The following AHI1 variants were observed in gnomAD, a reference collection of about 807,000 sequenced individuals.
AHI1 encodes Abelson helper integration site 1.
In AHI1, 123 loss-of-function variants were observed where a neutral mutation model predicts 149.3. That is an observed-to-expected ratio of 0.82 (90% confidence interval 0.71 to 0.96). The LOEUF is 0.96. Ranked by LOEUF, AHI1 falls within the 40% of genes least tolerant of loss-of-function variation. The probability of loss-of-function intolerance (pLI) is 0.00; values close to 1 mark genes in which losing one functional copy is unlikely to be tolerated. For missense variants in AHI1, 1,439 were observed against 1,422.7 expected (o/e 1.01, Z -0.18); for synonymous variants, 475 against 459.8 (o/e 1.03, Z -0.42).
rs2128056642 is a variant in AHI1, at chr6:135,447,156, T to C, written c.1631A>G (p.Lys544Arg). ...VRGLKVPDCI[K>R]PSYRSMMALQ... ...AGCCATCATAGAGCGGTAAGATGGC[T>C]TTATCTAAATATGCATTAAAATATG... is the stretch of plus-strand genomic sequence containing the variant. Residue 544 changes from lysine (K) to arginine (R), a missense_variant, in exon 13 of 29, where the codon AAG (lysine) becomes AGG (arginine). By Grantham distance (26) the Lys-to-Arg change is conservative (BLOSUM62 2). Coordinates refer to ENST00000265602, the MANE Select transcript of AHI1 (RefSeq NM_001134831.2). The C allele has an allele frequency of 6.5e-7, 1 of 1,550,166 alleles. No homozygotes were observed. Among genetic ancestry groups the C allele is most frequent in the South Asian group, 1.3e-5 (1 of 75,304 alleles).
chr6:135,370,347 A>G (rs1016551626), intron 23 of AHI1, among the ~76,000 whole-genome samples: 2 of 151,900 alleles, frequency 1.3e-5, no homozygotes, highest in African/African-American at 4.8e-5. Context: ...GATTATGGGA[A>G]CTCTCTCTGC....
intron 28 of AHI1, 30 bp downstream of exon 28, chr6:135,290,393 A>C (rs770957959): frequency 2.1e-5 from 26 of 1,234,202 alleles, no homozygotes; most frequent in Non-Finnish European, 2.6e-5. Context: ...TTGACAACAT[A>C]GCGCAACTTT....
intron 23 of AHI1, among the ~76,000 whole-genome samples, chr6:135,391,695 C>T (rs1778519673): frequency 6.6e-6 from 1 of 152,108 alleles, no homozygotes; most frequent in African/African-American, 2.4e-5. Context: ...CCCAGCCATA[C>T]CAAGCTCTCT....
At chr6:135,367,065 T>C (rs1019272041) in intron 23 of AHI1, among the ~76,000 whole-genome samples, 8 of 152,206 alleles carry the variant, frequency 5.3e-5, no homozygotes, top group African/African-American at 1.9e-4. Flanking sequence ...TTTATTTAAC[T>C]TCCATGTATT....
In AHI1 at chr6:135,323,161, C is replaced by T. The variant is rs1787133440; in HGVS notation, c.3328+1G>A. 1 of 1,604,490 alleles carries T rather than the reference C, an allele frequency of 6.2e-7. No homozygotes were observed. The highest frequency in any genetic ancestry group is 1.3e-5 in the African/African-American group (1 of 74,798). ...AACCAGGAAGGGAGCATAAAACTTA[C>T]TTTCACTAGCCACATGATTAGCTGG... On this transcript the variant is annotated splice_donor_variant, in intron 25 of 28. Coordinates refer to ENST00000265602, the MANE Select transcript of AHI1 (RefSeq NM_001134831.2). LOFTEE classifies it high-confidence loss of function.
chr6:135,441,189 C>T (rs1038055540), intron 14 of AHI1, among the ~76,000 whole-genome samples: 3 of 150,800 alleles, frequency 2.0e-5, no homozygotes, highest in African/African-American at 7.3e-5. Flanking sequence ...AGTACAATAA[C>T]TGAAATAAAT....
chr6:135,445,853 G>A (rs1023107933), intron 13 of AHI1, among the ~76,000 whole-genome samples: 6 of 152,014 alleles, frequency 3.9e-5, no homozygotes, highest in Admixed American at 2.0e-4. Context: ...TCAGGAGATC[G>A]AGACCATCCT....
intron 22 of AHI1, among the ~76,000 whole-genome samples, chr6:135,397,878 T>G (rs1779448648): frequency 6.6e-6 from 1 of 152,106 alleles, no homozygotes; most frequent in African/African-American, 2.4e-5. Context: ...CTCAAGTTGG[T>G]TTTAAATTAT....
chr6:135,465,737 C>G (rs1790638175), intron 7 of AHI1, 77 bp downstream of exon 7: 1 of 1,231,650 alleles, frequency 8.1e-7, no homozygotes. Context: ...CTTTGTTAAA[C>G]CACAGATAAT....
At chr6:135,414,785 T>A (rs78523993) in intron 20 of AHI1, among the ~76,000 whole-genome samples, 3,803 of 151,986 alleles carry the variant, frequency 0.025, 175 homozygotes, top group African/African-American at 0.086. Context: ...AGATTGGCCA[T>A]TTCTTTTTTT....
At chr6:135,468,055 A>G (rs113949805) in intron 5 of AHI1, among the ~76,000 whole-genome samples, 2 of 152,192 alleles carry the variant, frequency 1.3e-5, no homozygotes, top group African/African-American at 4.8e-5. Context: ...AAAATATCCA[A>G]TGTATATAAA....
chr6:135,440,812 C>G (rs913458648), intron 14 of AHI1, among the ~76,000 whole-genome samples: 1 of 152,038 alleles, frequency 6.6e-6, no homozygotes, highest in Non-Finnish European at 1.5e-5. Context: ...ACAAAGCTAA[C>G]TGCAAAAATA....
chr6:135,492,117 A>T (rs1399743625), intron 4 of AHI1, 111 bp downstream of exon 4: 5 of 705,604 alleles, frequency 7.1e-6, no homozygotes, highest in Non-Finnish European at 1.1e-5. Flanking sequence ...TATTTGGTCA[A>T]TGACATCTAC....
intron 24 of AHI1, among the ~76,000 whole-genome samples, chr6:135,335,050 G>T (rs1186772836): frequency 1.3e-5 from 2 of 152,178 alleles, no homozygotes; most frequent in East Asian, 3.8e-4. Flanking sequence ...AGTAGTAACT[G>T]AATGGGTAAG....
chr6:135,343,278 C>A (rs141535386), intron 24 of AHI1, among the ~76,000 whole-genome samples: 2 of 151,752 alleles, frequency 1.3e-5, no homozygotes, highest in African/African-American at 4.8e-5. Flanking sequence ...AAAATTTAAA[C>A]AGACCTAAAT....
intron 26 of AHI1, chr6:135,300,811 G>T (rs1292091171): frequency 1.8e-5 from 18 of 999,308 alleles, no homozygotes; most frequent in East Asian, 1.4e-4. Context: ...TTTCAGGTAT[G>T]TGACCAAAAA....
chr6:135,285,338 A>G lies in AHI1; in HGVS notation c.*307T>C. 2.2e-6 allele frequency: 1 copy of G among 453,616 alleles called. No homozygotes were observed. Among genetic ancestry groups the G allele is most frequent in the Non-Finnish European group, 4.0e-6 (1 of 252,118 alleles). The allele number at this position is 453,616 out of a possible 1,614,324, so 28.1% of individuals were successfully genotyped here. On this transcript the variant is annotated 3_prime_UTR_variant, in exon 29 of 29. Transcript: ENST00000265602. The stretch of plus-strand genomic sequence containing the variant: ...TTCACATTTGCTGAGTAGCAATTAC[A>G]GTGTTTTCTTCATTAGTTTTCCAAC...
At chr6:135,389,333 A>C (rs1385712011) in intron 23 of AHI1, among the ~76,000 whole-genome samples, 3 of 151,524 alleles carry the variant, frequency 2.0e-5, no homozygotes, top group Non-Finnish European at 4.4e-5. Context: ...AAAAAAATAC[A>C]GTTCTTCAAA....
At chr6:135,388,059 A>C in intron 23 of AHI1, 3 of 1,612,592 alleles carry the variant, frequency 1.9e-6, no homozygotes, top group Non-Finnish European at 2.5e-6. Context: ...TTGTCGTTAA[A>C]AACTGCATAA....
Sources: gnomAD v4.1 joint callset for allele counts (sites outside exome capture counted in the v4.1 genomes callset) on GRCh38, gnomAD v4.1.1 for gene constraint, MANE v1.5 for transcripts, NCBI Gene and HGNC (gene_info 2026-07-23, HGNC 2026-07-21) for gene names.